Variants in ABCA6 observed in about 807,000 individuals in gnomAD.
The protein encoded by ABCA6 is ATP binding cassette subfamily A member 6, also known as ATP-binding cassette sub-family A member 6.
Under a neutral mutation model 191.2 loss-of-function variants are expected in ABCA6, and 164 were observed. The ratio of observed to expected loss-of-function variants is 0.86; its 90% CI spans 0.76 to 0.98. The LOEUF is 0.98. Ranked by LOEUF, ABCA6 falls within the 50% of genes least tolerant of loss-of-function variation. The pLI is 0.00. For synonymous variants in ABCA6, 636 were observed against 647.7 expected (o/e 0.98, Z 0.27); for missense variants, 1,958 against 1,894.1 (o/e 1.03, Z -0.63).
At position 69,082,896 on chromosome 17, in the gene ABCA6, G is replaced by C; in HGVS notation, c.4593C>G (p.Phe1531Leu). The change falls in exon 36 of 39, where the codon TTC becomes TTG. Residue 1531 changes from phenylalanine (F) to leucine (L), a missense_variant. Transcript: ENST00000284425. ...ACCTTTCCTGCCCTGCAGCCTGTGG[G>C]AAAAGCTTCAGAATCTCAGTGTGGA... ...TLVHTEILKL[F>L]PQAAGQERYS... 2 of 1,614,150 alleles carry C rather than the reference G, an allele frequency of 1.2e-6. No individual in the cohort carries two copies. The highest frequency in any genetic ancestry group is 8.5e-7 in the Non-Finnish European group (1 of 1,180,012).
chr17:69,083,342 C>CA lies in ABCA6; in HGVS notation c.4356-12dup, dbSNP rs34865180. ...GCCTGGATTGCCTGCCTGCAGTGAGCAAAAAAATTAACAGTATTTAAAATA... is the reference window on the plus strand; with the variant it reads ...GCCTGGATTGCCTGCCTGCAGTGAGCAAAAAAAATTAACAGTATTTAAAATA... On this transcript the variant is annotated splice_polypyrimidine_tract_variant and intron_variant, in intron 34 of 38. Transcript: ENST00000284425. 2 of 1,548,510 alleles carry CA rather than the reference C, an allele frequency of 1.3e-6. No homozygotes were observed. The highest frequency in any genetic ancestry group is 1.3e-5 in the South Asian group (1 of 79,572).
chr17:69,086,759 T>A (rs199866660), intron 29 of ABCA6, 24 bp from the exon 30 acceptor site: 844 of 1,538,368 alleles, frequency 5.5e-4, no homozygotes, highest in Non-Finnish European at 7.2e-4. Flanking sequence ...CAGCATGATT[T>A]TCCTCTTAAA....
At chr17:69,139,976 TTAGGAGATATACCTAATGC>T (rs2074004007) in intron 2 of ABCA6, among the ~76,000 whole-genome samples, 1 of 149,660 alleles carries the variant, frequency 6.7e-6, no homozygotes, top group East Asian at 2.0e-4. Flanking sequence ...AGGGATAGCA[TTAGGAGATATACCTAATGC>T]TAAATGGCGA....
At chr17:69,110,108 T>C (rs1386128757) in intron 17 of ABCA6, 1 of 152,190 alleles carries the variant, frequency 6.6e-6, no homozygotes, top group Non-Finnish European at 1.5e-5. Context: ...AGTGTGTAGG[T>C]GGAAGACATG....
At chr17:69,100,716 GA>G (rs1286087922) in intron 22 of ABCA6, 80 bp downstream of exon 22, 1 of 1,363,420 alleles carries the variant, frequency 7.3e-7, no homozygotes, top group African/African-American at 1.5e-5. Flanking sequence ...ATCACTTATG[GA>G]TATTTAAAAG....
chr17:69,100,261 C>T (rs2073147982), intron 22 of ABCA6, among the ~76,000 whole-genome samples: 1 of 152,178 alleles, frequency 6.6e-6, no homozygotes, highest in South Asian at 2.1e-4. Flanking sequence ...CTGTCTGAAG[C>T]CAGACTATAG....
chr17:69,106,039 C>G lies in ABCA6; in HGVS notation c.2562G>C (p.Val854=), dbSNP rs766397495. The G allele has an allele frequency of 8.7e-6, 14 of 1,611,028 alleles. No individual in the cohort carries two copies. The African/African-American group carries it at 1.9e-4, about 22-fold the overall frequency. ...RFLKLKRQTK[V]LLTLLLVFGI... ...ACTCTCCTACTCACAGGGTCAATAA[C>G]ACTTTAGTTTGACGTTTTAACTTTA... The change falls in exon 19 of 39, where the codon GTG becomes GTC. Residue 854 remains valine, a synonymous_variant. Transcript: ENST00000284425.
intron 20 of ABCA6, chr17:69,103,911 C>CTTTTTTTTTTTTTTTTTTT (rs55850112): frequency 3.2e-5 from 3 of 93,356 alleles, no homozygotes; most frequent in East Asian, 3.3e-4. Flanking sequence ...AAAAGAAGGA[C>CTTTTTTTTTTTTTTTTTTT]TTTTTTTTTT....
rs1598443768 is a variant in ABCA6, at chr17:69,087,543, C to T, written c.3699-70G>A. 4.4e-6 allele frequency: 7 copies of T among 1,575,296 alleles called. No homozygotes were observed. The East Asian group carries it at 1.3e-4, about 30-fold the overall frequency. ...AAAAGATGTGTCAAAAATCAGCATT[C>T]CTGTGATTTTACTACTGTCCTCTTC... is the stretch of plus-strand genomic sequence containing the variant. On this transcript the variant is annotated intron_variant, in intron 28 of 38. Coordinates refer to ENST00000284425, the MANE Select transcript of ABCA6 (RefSeq NM_080284.3).
At chr17:69,125,473 G>A (rs569532590) in intron 8 of ABCA6, among the ~76,000 whole-genome samples, 4 of 152,042 alleles carry the variant, frequency 2.6e-5, no homozygotes, top group South Asian at 2.1e-4. Context: ...TAATAACAGC[G>A]ACTATGTTCT....
intron 26 of ABCA6, among the ~76,000 whole-genome samples, chr17:69,090,556 G>A (rs534489601): frequency 6.6e-6 from 1 of 152,250 alleles, no homozygotes; most frequent in Non-Finnish European, 1.5e-5. Flanking sequence ...TTGGCCCTTT[G>A]CCCTTGTCCT....
intron 1 of ABCA6, among the ~76,000 whole-genome samples, 169 bp from the exon 2 acceptor site, chr17:69,140,917 G>A (rs756655496): frequency 3.3e-5 from 5 of 152,028 alleles, no homozygotes; most frequent in African/African-American, 4.8e-5. Context: ...AGTGGGTGAT[G>A]GTGGGAAGGC....
intron 23 of ABCA6, 89 bp from the exon 24 acceptor site, chr17:69,096,890 T>G: frequency 8.9e-7 from 1 of 1,129,660 alleles, no homozygotes; most frequent in Non-Finnish European, 1.2e-6. Context: ...TGGAAGAATT[T>G]TTAAGATAAA....
At chr17:69,130,849 A>C (rs2073849773) in intron 6 of ABCA6, among the ~76,000 whole-genome samples, 1 of 152,148 alleles carries the variant, frequency 6.6e-6, no homozygotes, top group Non-Finnish European at 1.5e-5. Context: ...AGAAAATTGA[A>C]ATTTCACAAC....
intron 4 of ABCA6, 93 bp from the exon 5 acceptor site, chr17:69,134,835 G>A (rs2073923525): frequency 2.6e-6 from 2 of 775,144 alleles, no homozygotes; most frequent in Non-Finnish European, 4.2e-6. Context: ...ATCTAGAGGA[G>A]ACTCTACCAG....
intron 13 of ABCA6, 47 bp downstream of exon 13, chr17:69,114,715 T>C (rs768008765): frequency 1.3e-6 from 2 of 1,513,466 alleles, no homozygotes; most frequent in Non-Finnish European, 1.8e-6. Context: ...CATGATTTAA[T>C]TTGGTAAGTG....
chr17:69,087,654 T>A, intron 28 of ABCA6, 181 bp from the exon 29 acceptor site: 1 of 743,926 alleles, frequency 1.3e-6, no homozygotes, highest in Non-Finnish European at 2.2e-6. Context: ...GCCAGAATCC[T>A]TTTCTTAATG....
intron 21 of ABCA6, 86 bp from the exon 22 acceptor site, chr17:69,101,020 C>T: frequency 8.8e-7 from 1 of 1,141,842 alleles, no homozygotes; most frequent in East Asian, 2.4e-5. Context: ...CCTAACAGTG[C>T]CACATGCTTG....
At chr17:69,140,785 C>G in intron 1 of ABCA6, 37 bp from the exon 2 acceptor site, 1 of 822,368 alleles carries the variant, frequency 1.2e-6, no homozygotes. Flanking sequence ...AAACCTTGAT[C>G]ATAGTGTTGA....
Sources: allele counts gnomAD v4.1 joint callset (sites outside exome capture counted in the v4.1 genomes callset), GRCh38; gene constraint gnomAD v4.1.1; transcripts MANE v1.5; gene names NCBI Gene and HGNC (gene_info 2026-07-23, HGNC 2026-07-21).